Variants in AGAP1 observed in about 807,000 individuals in gnomAD.
The protein encoded by AGAP1 is arf-GAP with GTPase, ANK repeat and PH domain-containing protein 1.
A neutral mutation model predicts 105.3 loss-of-function variants in AGAP1; 29 were observed. That is an observed-to-expected ratio of 0.28 (90% CI 0.21 to 0.38). The LOEUF is 0.38. AGAP1 is among the 10% of genes least tolerant of loss of function. AGAP1 has a pLI of 1.00. For synonymous variants in AGAP1, 509 were observed against 485.9 expected (o/e 1.05, Z -0.63); for missense variants, 998 against 1,165.1 (o/e 0.86, Z 2.09).
chr2:236,007,644 GA>G (rs1472221330), intron 13 of AGAP1, among the ~76,000 whole-genome samples: 3 of 151,914 alleles, frequency 2.0e-5, no homozygotes, highest in Non-Finnish European at 2.9e-5. Flanking sequence ...TTGTGTTTAA[GA>G]AAAAAGAACC....
Position 235,752,753 on chromosome 2 carries a change from C to T in AGAP1, c.673+2265C>T, listed in dbSNP as rs1439060689. Among the ~76,000 whole-genome samples, 1 of 151,972 alleles carries T rather than the reference C, an allele frequency of 6.6e-6. No individual in the cohort carries two copies. The highest frequency in any genetic ancestry group is 1.9e-4 in the East Asian group (1 of 5,188). On this transcript the variant is annotated intron_variant, in intron 6 of 17. Transcript: ENST00000304032. This position sits in a 1 kb window ranked among gnomAD's most constrained non-coding sequence, Gnocchi z 4.3. The stretch of plus-strand genomic sequence containing the variant: ...TGAGTTTTCCATAAATTGATGAGTG[C>T]TTCTTATAAAAATAATGTTGTCAAT...
chr2:235,785,595 T>C (rs1361593787), intron 6 of AGAP1, among the ~76,000 whole-genome samples: 1 of 152,190 alleles, frequency 6.6e-6, no homozygotes, highest in African/African-American at 2.4e-5. Flanking sequence ...AATCTATTTT[T>C]CTTTAAAATT....
At chr2:235,850,108 C>T (rs931522635) in intron 9 of AGAP1, among the ~76,000 whole-genome samples, 4 of 152,326 alleles carry the variant, frequency 2.6e-5, no homozygotes, top group East Asian at 1.9e-4. Context: ...CTGCAGCCCA[C>T]AGCACCTCTT....
intron 1 of AGAP1, among the ~76,000 whole-genome samples, chr2:235,679,254 C>T (rs1948931148): frequency 6.6e-6 from 1 of 152,170 alleles, no homozygotes; most frequent in African/African-American, 2.4e-5. Context: ...CTGTGCAGCC[C>T]AGCACCATAT....
In AGAP1 at chr2:236,040,681, G is replaced by A; in HGVS notation, c.1801-70G>A. The A allele has an allele frequency of 6.9e-7, 1 of 1,446,974 alleles. No individual in the cohort carries two copies. Among genetic ancestry groups the A allele is most frequent in the South Asian group, 1.2e-5 (1 of 85,932 alleles). The allele number at this position is 1,446,974 out of a possible 1,614,324, so 89.6% of individuals were successfully genotyped here. A position where few individuals can be genotyped will look rare whatever the true frequency, so the allele number is the denominator to read the frequency against. Reference sequence around the variant, plus strand: ...CTCCCAATCTGTTTGATCTTTCCCTGATGTTATCAGTGATGTGCGTTTCTC... The same window carrying A: ...CTCCCAATCTGTTTGATCTTTCCCTAATGTTATCAGTGATGTGCGTTTCTC... On this transcript the variant is annotated intron_variant, in intron 14 of 17. Coordinates refer to ENST00000304032, the MANE Select transcript of AGAP1 (RefSeq NM_001037131.3). This position sits in a 1 kb window ranked among gnomAD's most constrained non-coding sequence, Gnocchi z 5.6.
Position 235,801,384 on chromosome 2 carries a change from T to G in AGAP1, c.957+1862T>G, listed in dbSNP as rs1429543023. On this transcript the variant is annotated intron_variant, in intron 8 of 17. Coordinates refer to ENST00000304032, the MANE Select transcript of AGAP1 (RefSeq NM_001037131.3). This position sits in a 1 kb window ranked among gnomAD's most constrained non-coding sequence, Gnocchi z 6.0. ...ACTCCATTGATGCTATAAAATGATT[T>G]CTGATCGTGTTAAGCATATGTGATA... is the stretch of plus-strand genomic sequence containing the variant. Among the ~76,000 whole-genome samples the G allele has an allele frequency of 6.6e-6, 1 of 152,136 alleles. No homozygotes were observed. Among genetic ancestry groups the G allele is most frequent in the East Asian group, 1.9e-4 (1 of 5,180 alleles).
intron 13 of AGAP1, among the ~76,000 whole-genome samples, chr2:236,019,143 T>C (rs2056806030): frequency 1.3e-5 from 2 of 152,190 alleles, no homozygotes; most frequent in Admixed American, 1.3e-4. Flanking sequence ...GTTAAACAAA[T>C]TACAGGCCCA....
At chr2:235,512,016 ATG>A (rs557725350) in intron 1 of AGAP1, among the ~76,000 whole-genome samples, 13 of 74,346 alleles carry the variant, frequency 1.7e-4, no homozygotes, top group African/African-American at 4.1e-4. Context: ...GACTGTGTGA[ATG>A]TGTGAGGTGT....
rs1383376865 is a variant in AGAP1, at chr2:235,931,247, A to G, written c.1483+324A>G. Among the ~76,000 whole-genome samples the G allele has an allele frequency of 1.3e-5, 2 of 152,116 alleles. No individual in the cohort carries two copies. Among genetic ancestry groups the G allele is most frequent in the Non-Finnish European group, 2.9e-5 (2 of 68,018 alleles). On this transcript the variant is annotated intron_variant, in intron 12 of 17. Transcript: ENST00000304032. This position sits in a 1 kb window ranked among gnomAD's most constrained non-coding sequence, Gnocchi z 5.6. ...GTGACAGAAGTGGCAGCGCTGAGAAATAAGATCTGATTTTATCTCCCCAAT... is the reference window on the plus strand; with the variant it reads ...GTGACAGAAGTGGCAGCGCTGAGAAGTAAGATCTGATTTTATCTCCCCAAT...
intron 12 of AGAP1, among the ~76,000 whole-genome samples, chr2:235,939,284 C>A (rs1035173451): frequency 5.3e-5 from 8 of 152,176 alleles, no homozygotes; most frequent in African/African-American, 1.9e-4. Flanking sequence ...CCACTTCTCT[C>A]CCATGCCAAA....
chr2:235,962,407 G>A lies in AGAP1; in HGVS notation c.1484-6055G>A, dbSNP rs184426236. ...AACTTACAAGGGTGAGTTTCAAGTCGTGTGCGATGCTGCCCGGCTGTATAA... is the reference window on the plus strand; with the variant it reads ...AACTTACAAGGGTGAGTTTCAAGTCATGTGCGATGCTGCCCGGCTGTATAA... On this transcript the variant is annotated intron_variant, in intron 12 of 17. Transcript: ENST00000304032. This position sits in a 1 kb window ranked among gnomAD's most constrained non-coding sequence, Gnocchi z 5.3. Among the ~76,000 whole-genome samples the A allele has an allele frequency of 1.5e-4, 23 of 152,254 alleles. No individual in the cohort carries two copies. The highest frequency in any genetic ancestry group is 1.0e-3 in the South Asian group (5 of 4,820).
chr2:235,785,763 CCAGT>C (rs1344688038), intron 6 of AGAP1, among the ~76,000 whole-genome samples: 3 of 152,124 alleles, frequency 2.0e-5, no homozygotes, highest in Non-Finnish European at 2.9e-5. Context: ...AAATCCTTTG[CCAGT>C]CACTTTTTCT....
At chr2:235,805,428 T>A (rs1957788989) in intron 8 of AGAP1, among the ~76,000 whole-genome samples, 1 of 152,180 alleles carries the variant, frequency 6.6e-6, no homozygotes, top group Non-Finnish European at 1.5e-5. Flanking sequence ...TTAATTTTTT[T>A]AAAGTTTGTT....
At position 235,959,112 on chromosome 2, in the gene AGAP1, T is replaced by C. The variant is rs889375208; in HGVS notation, c.1484-9350T>C. On this transcript the variant is annotated intron_variant, in intron 12 of 17. Coordinates refer to ENST00000304032, the MANE Select transcript of AGAP1 (RefSeq NM_001037131.3). The surrounding 1 kb of genome is among the most constrained non-coding windows in gnomAD (Gnocchi z 7.3). Reference sequence around the variant, plus strand: ...TGGAGTAATGAGGCGCTCGCTTTTTTAATTTGGCATGGCTTTTTTCTCTTA... The same window carrying C: ...TGGAGTAATGAGGCGCTCGCTTTTTCAATTTGGCATGGCTTTTTTCTCTTA... Among the ~76,000 whole-genome samples, 13 of 152,170 alleles carry C rather than the reference T, an allele frequency of 8.5e-5. No individual in the cohort carries two copies. Among genetic ancestry groups the C allele is most frequent in the African/African-American group, 3.1e-4 (13 of 41,462 alleles).
At chr2:235,743,536 C>T (rs1008139565) in intron 4 of AGAP1, among the ~76,000 whole-genome samples, 3 of 152,156 alleles carry the variant, frequency 2.0e-5, no homozygotes, top group Admixed American at 1.3e-4. Flanking sequence ...CTTCCCAGGT[C>T]TCTCCCGGCC....
intron 9 of AGAP1, among the ~76,000 whole-genome samples, chr2:235,816,166 A>G (rs1337793688): frequency 6.6e-6 from 1 of 152,220 alleles, no homozygotes; most frequent in Non-Finnish European, 1.5e-5. Context: ...AGCTGGGCAT[A>G]GTGGCTCACG....
In AGAP1 at chr2:235,981,712, C is replaced by T. The variant is rs79243243; in HGVS notation, c.1645+13089C>T. ...TCACAAGAACCTGGGAGGTGGGTGC[C>T]GTTATCCGCATTTTTATAACTGAGG... On this transcript the variant is annotated intron_variant, in intron 13 of 17. Coordinates refer to ENST00000304032, the MANE Select transcript of AGAP1 (RefSeq NM_001037131.3). The surrounding 1 kb of genome is among the most constrained non-coding windows in gnomAD (Gnocchi z 5.5). Among the ~76,000 whole-genome samples the T allele has an allele frequency of 6.2e-4, 95 of 152,188 alleles. 4 individuals carry two copies. The East Asian group carries it at 0.012, about 19-fold the overall frequency.
intron 12 of AGAP1, among the ~76,000 whole-genome samples, chr2:235,945,549 T>A (rs1279048154): frequency 2.0e-5 from 3 of 151,842 alleles, no homozygotes; most frequent in Non-Finnish European, 2.9e-5. Flanking sequence ...CCATTTCTCT[T>A]TGCTAATTTT....
Position 235,959,334 on chromosome 2 carries a change from C to T in AGAP1, c.1484-9128C>T, listed in dbSNP as rs1323094722. Among the ~76,000 whole-genome samples, 2 of 152,104 alleles carry T rather than the reference C, an allele frequency of 1.3e-5. No individual in the cohort carries two copies. The highest frequency in any genetic ancestry group is 1.9e-4 in the East Asian group (1 of 5,182). On this transcript the variant is annotated intron_variant, in intron 12 of 17. Transcript: ENST00000304032. This position sits in a 1 kb window ranked among gnomAD's most constrained non-coding sequence, Gnocchi z 7.3. ...TCAATTTGAGGAATACCTTGTCAGG[C>T]GAGGGGAGTAGTTGGAATGGAAAAG...
Sources: gnomAD v4.1 joint callset for allele counts (sites outside exome capture counted in the v4.1 genomes callset) on GRCh38, gnomAD v4.1.1 for gene constraint, Gnocchi (gnomAD v3.1) non-coding constraint, MANE v1.5 for transcripts, NCBI Gene and HGNC (gene_info 2026-07-23, HGNC 2026-07-21) for gene names.